The following EDARADD variants were observed in gnomAD, a reference collection of about 807,000 sequenced individuals.
EDARADD encodes the protein ectodysplasin-A receptor-associated adapter protein.
Under a neutral mutation model 25.6 loss-of-function variants are expected in EDARADD, and 20 were observed. That is an observed-to-expected ratio of 0.78 (90% CI 0.55 to 1.14). The LOEUF (loss-of-function observed/expected upper bound fraction) is 1.14. Among genes scored for constraint, EDARADD ranks in the 50% most tolerant of loss-of-function variants. The pLI, the probability that EDARADD is intolerant of heterozygous loss-of-function variation, is 0.00. For missense variants in EDARADD, 225 were observed against 270.1 expected, an observed-to-expected ratio of 0.83 and a Z score of 1.17; for synonymous variants, 86 against 94.4, an observed-to-expected ratio of 0.91 and a Z score of 0.52.
intron 3 of EDARADD, among the ~76,000 whole-genome samples, chr1:236,361,234 G>C (rs142022745): frequency 3.7e-4 from 56 of 152,058 alleles, no homozygotes; most frequent in African/African-American, 1.3e-3. Flanking sequence ...TTTCCCCTAC[G>C]CCACCAGTCC....
intron 4 of EDARADD, among the ~76,000 whole-genome samples, chr1:236,451,815 C>G (rs1212186563): frequency 6.6e-6 from 1 of 152,080 alleles, no homozygotes; most frequent in Admixed American, 6.6e-5. Flanking sequence ...CCCTCCTCCC[C>G]GGAGATGAGA....
chr1:236,482,882 T>C lies in EDARADD; in HGVS notation c.*233T>C, dbSNP rs1659718253. On this transcript the variant is annotated 3_prime_UTR_variant, in exon 6 of 6. Coordinates refer to ENST00000334232, the MANE Select transcript of EDARADD (RefSeq NM_145861.4). ...ATTCAAATCTGGAATTAAGAAAACA[T>C]ATTTTCTAGTATCCTCTAAGGGCCA... The C allele has an allele frequency of 3.1e-6, 2 of 643,798 alleles. No individual in the cohort carries two copies. The highest frequency in any genetic ancestry group is 5.3e-6 in the Non-Finnish European group (2 of 378,594). The allele number at this position is 643,798 out of a possible 1,614,324, so 39.9% of individuals were successfully genotyped here.
At chr1:236,411,800 C>T (rs1365586258) in intron 2 of EDARADD, among the ~76,000 whole-genome samples, 1 of 152,166 alleles carries the variant, frequency 6.6e-6, no homozygotes, top group Non-Finnish European at 1.5e-5. Flanking sequence ...ATCCGCCTGC[C>T]TTGGCCTCCC....
chr1:236,431,274 A>C (rs1461994734), intron 4 of EDARADD, among the ~76,000 whole-genome samples: 4 of 152,186 alleles, frequency 2.6e-5, no homozygotes, highest in South Asian at 2.1e-4. Context: ...CCGAGGAAAA[A>C]CATCATAGTG....
intron 4 of EDARADD, among the ~76,000 whole-genome samples, chr1:236,449,297 T>C (rs889840014): frequency 6.6e-6 from 1 of 152,196 alleles, no homozygotes; most frequent in Non-Finnish European, 1.5e-5. Context: ...CATTCTGAGA[T>C]ATTGGGTATC....
At chr1:236,442,280 C>T (rs1433686051) in intron 4 of EDARADD, among the ~76,000 whole-genome samples, 3 of 152,122 alleles carry the variant, frequency 2.0e-5, no homozygotes, top group Non-Finnish European at 4.4e-5. Flanking sequence ...CATGCACCAC[C>T]TTGCCCAGCT....
At chr1:236,466,440 A>ACACACACACACACAC (rs1553270444) in intron 4 of EDARADD, among the ~76,000 whole-genome samples, 14 of 124,344 alleles carry the variant, frequency 1.1e-4, no homozygotes, top group South Asian at 2.7e-4. Context: ...CTCTCTGATA[A>ACACACACACACACAC]ACACACACAC....
In EDARADD at chr1:236,366,741, C is replaced by CTCTTTTTTT. The variant is rs146073425; in HGVS notation, c.-6+15903_-6+15904insCTTTTTTTT. Reference sequence around the variant, plus strand: ...CCTGGGTCAGAGAGCTCATCTCTCTCTTTTTTTTGTCTCTCAGGGATCATT... The same window carrying CTCTTTTTTT: ...CCTGGGTCAGAGAGCTCATCTCTCTCTCTTTTTTTTTTTTTTTGTCTCTCAGGGATCATT... On this transcript the variant is annotated intron_variant, in intron 3 of 7. Coordinates refer to the EDARADD transcript ENST00000439430. Among the ~76,000 whole-genome samples the CTCTTTTTTT allele has an allele frequency of 8.3e-5, 12 of 144,210 alleles. 1 individual carries two copies. Among genetic ancestry groups the CTCTTTTTTT allele is most frequent in the Non-Finnish European group, 1.2e-4 (8 of 65,750 alleles). 94.6% of individuals were successfully genotyped at this position (144,210 alleles called of 152,430 possible).
In EDARADD at chr1:236,377,655, C is replaced by T. The variant is rs576274507; in HGVS notation, c.-6+26816C>T. ...TGGGCAGATCATAAGGTCAAGAAAT[C>T]GAGACCATCCTGGCCAACATGGTGA... On this transcript the variant is annotated intron_variant, in intron 3 of 7. Transcript: ENST00000439430. Among the ~76,000 whole-genome samples the T allele has an allele frequency of 6.6e-4, 99 of 150,998 alleles. 1 individual carries two copies. The highest frequency in any genetic ancestry group is 1.9e-3 in the African/African-American group (80 of 41,312).
At chr1:236,462,646 G>C (rs556837352) in intron 4 of EDARADD, among the ~76,000 whole-genome samples, 2 of 152,264 alleles carry the variant, frequency 1.3e-5, no homozygotes, top group Admixed American at 6.5e-5. Context: ...AGTACCCAGA[G>C]CTTTCAGCTC....
intron 4 of EDARADD, among the ~76,000 whole-genome samples, chr1:236,428,654 G>C (rs991258906): frequency 7.4e-6 from 1 of 134,328 alleles, no homozygotes; most frequent in Non-Finnish European, 1.7e-5. Context: ...TCCTAGACGG[G>C]ATGGCGGCCG....
chr1:236,417,595 G>A (rs935135471), intron 3 of EDARADD, among the ~76,000 whole-genome samples: 1 of 152,106 alleles, frequency 6.6e-6, no homozygotes, highest in African/African-American at 2.4e-5. Context: ...CATTTGGTTT[G>A]GGGCTCTTTT....
chr1:236,382,061 G>A lies in EDARADD; in HGVS notation c.-5-27155G>A, dbSNP rs144670427. On this transcript the variant is annotated intron_variant, in intron 3 of 7. Coordinates refer to the EDARADD transcript ENST00000439430. ...TGTTCATTGAGCTTCTGGTCTGTGA[G>A]TTTAAGGTTTTCCTCAAATTTAAAA... Among the ~76,000 whole-genome samples the A allele has an allele frequency of 2.8e-4, 43 of 151,858 alleles. No individual in the cohort carries two copies. In the East Asian group the frequency reaches 7.9e-3, roughly 28 times the overall value.
Position 236,395,733 on chromosome 1 carries a change from C to T in EDARADD, c.61+1228C>T, listed in dbSNP as rs374012521. The T allele has an allele frequency of 5.6e-5, 85 of 1,518,936 alleles. No individual in the cohort carries two copies. In the East Asian group the frequency reaches 1.6e-3, roughly 28 times the overall value. The allele number at this position is 1,518,936 out of a possible 1,614,324, so 94.1% of individuals were successfully genotyped here. A position where few individuals can be genotyped will look rare whatever the true frequency, so the allele number is the denominator to read the frequency against. On this transcript the variant is annotated intron_variant, in intron 1 of 5. Transcript: ENST00000334232. The surrounding 1 kb of genome is among the most constrained non-coding windows in gnomAD (Gnocchi z 6.9). ...GCGGGAGCTCGGGAGGCGCTCGCAG[C>T]AGCCGCAGGGCTATCGAGGCCGGGC...
At chr1:236,419,044 A>T (rs1484653250) in intron 3 of EDARADD, among the ~76,000 whole-genome samples, 4 of 152,220 alleles carry the variant, frequency 2.6e-5, no homozygotes, top group Non-Finnish European at 5.9e-5. Flanking sequence ...TCTTTTGTGC[A>T]TAAGAGGATA....
intron 4 of EDARADD, among the ~76,000 whole-genome samples, chr1:236,454,306 C>T (rs1421422969): frequency 6.6e-6 from 1 of 152,154 alleles, no homozygotes; most frequent in Admixed American, 6.5e-5. Flanking sequence ...CCTTGGCCTC[C>T]CAAAGTACTG....
chr1:236,389,781 T>C (rs6679273), upstream of EDARADD, among the ~76,000 whole-genome samples: 125,984 of 152,096 alleles, frequency 0.83, 52,818 homozygotes, highest in Middle Eastern at 0.93. Flanking sequence ...GCAGGTGGAT[T>C]CCCTGAGCCC....
At chr1:236,450,643 G>C (rs535330120) in intron 4 of EDARADD, among the ~76,000 whole-genome samples, 2 of 138,160 alleles carry the variant, frequency 1.4e-5, no homozygotes, top group South Asian at 4.9e-4. Flanking sequence ...CCGTCTCCCA[G>C]GTTCAAGCGA....
At chr1:236,397,238 T>A (rs954884742) in intron 1 of EDARADD, among the ~76,000 whole-genome samples, 2 of 151,874 alleles carry the variant, frequency 1.3e-5, no homozygotes, top group Non-Finnish European at 2.9e-5. Flanking sequence ...AGTGAGACCC[T>A]GACTCTACAA....
Sources: allele counts gnomAD v4.1 joint callset (sites outside exome capture counted in the v4.1 genomes callset), GRCh38; gene constraint gnomAD v4.1.1; non-coding constraint Gnocchi (gnomAD v3.1); transcripts MANE v1.5; gene names NCBI Gene and HGNC (gene_info 2026-07-23, HGNC 2026-07-21).